ACTN2: variants seen among roughly 807,000 people sequenced by gnomAD.
ACTN2 encodes the protein alpha-actinin-2.
In ACTN2, 39 loss-of-function variants were observed where a neutral mutation model predicts 113.8. That is an observed-to-expected ratio of 0.34 (90% CI 0.27 to 0.45). The LOEUF (loss-of-function observed/expected upper bound fraction) is 0.45, where lower values mean the gene tolerates loss of function less well. Ranked by LOEUF, ACTN2 falls within the 20% of genes least tolerant of loss-of-function variation. ACTN2 has a pLI of 1.00. For missense variants in ACTN2, 992 were observed against 1,177.9 expected (o/e 0.84, Z 2.31); for synonymous variants, 429 against 444.1 (o/e 0.97, Z 0.43).
chr1:236,753,924 T>G (rs762314342), intron 15 of ACTN2, 23 bp from the exon 16 acceptor site: 1 of 1,351,100 alleles, frequency 7.4e-7, no homozygotes, highest in South Asian at 1.1e-5. Flanking sequence ...CCTCTAACCC[T>G]TGTTGTCCTT....
At chr1:236,719,070 G>T (rs1658306008) in intron 3 of ACTN2, 57 bp downstream of exon 3, 6 of 1,609,818 alleles carry the variant, frequency 3.7e-6, no homozygotes, top group Admixed American at 1.7e-5. Context: ...CGTAGGTGTG[G>T]GCTGCGACTT....
In ACTN2 at chr1:236,754,161, G is replaced by A; in HGVS notation, c.1974+80G>A. 1.3e-6 allele frequency: 2 copies of A among 1,582,326 alleles called. No homozygotes were observed. The highest frequency in any genetic ancestry group is 1.1e-5 in the South Asian group (1 of 90,370). On this transcript the variant is annotated intron_variant, in intron 16 of 20. Coordinates refer to ENST00000366578, the MANE Select transcript of ACTN2 (RefSeq NM_001103.4). The surrounding 1 kb of genome is among the most constrained non-coding windows in gnomAD (Gnocchi z 4.9). Reference sequence around the variant, plus strand: ...GCCACGCAGCAGTGACACCGCACATGCTGTGGTTTCCAGCCACCCACTCAG... The same window carrying A: ...GCCACGCAGCAGTGACACCGCACATACTGTGGTTTCCAGCCACCCACTCAG...
chr1:236,721,473 T>C (rs185334054), intron 4 of ACTN2, among the ~76,000 whole-genome samples: 6 of 152,264 alleles, frequency 3.9e-5, no homozygotes, highest in African/African-American at 1.4e-4. Context: ...GACCGACTTA[T>C]GTCATCTAAA....
chr1:236,755,283 T>C (rs919678077), intron 17 of ACTN2, 85 bp downstream of exon 17: 1 of 1,501,358 alleles, frequency 6.7e-7, no homozygotes, highest in African/African-American at 1.4e-5. Context: ...TGCACTTGTC[T>C]TTCTTTGTTC....
At chr1:236,701,926 A>G (rs1229449945) in intron 1 of ACTN2, among the ~76,000 whole-genome samples, 1 of 152,210 alleles carries the variant, frequency 6.6e-6, no homozygotes, top group African/African-American at 2.4e-5. Context: ...GAGGCCTTTA[A>G]GAACTTGGTA....
intron 1 of ACTN2, among the ~76,000 whole-genome samples, chr1:236,689,368 A>G (rs1665998648): frequency 6.7e-6 from 1 of 148,314 alleles, no homozygotes; most frequent in Non-Finnish European, 1.5e-5. Context: ...TTATATATAT[A>G]TATAAAATAT....
At position 236,749,105 on chromosome 1, in the gene ACTN2, G is replaced by A. The variant is rs1051733285; in HGVS notation, c.1516-19G>A. ...TTTTAATTAGTCTATGATAATGCTTGCTTCTCTTTATTCTTTAGAGAATGG... is the reference window on the plus strand; with the variant it reads ...TTTTAATTAGTCTATGATAATGCTTACTTCTCTTTATTCTTTAGAGAATGG... On this transcript the variant is annotated intron_variant, in intron 13 of 20. Coordinates refer to ENST00000366578, the MANE Select transcript of ACTN2 (RefSeq NM_001103.4). 1 of 1,613,654 alleles carries A rather than the reference G, an allele frequency of 6.2e-7. No individual in the cohort carries two copies. The highest frequency in any genetic ancestry group is 1.3e-5 in the African/African-American group (1 of 74,912).
chr1:236,707,343 C>T (rs1470404698), intron 1 of ACTN2, among the ~76,000 whole-genome samples: 2 of 152,206 alleles, frequency 1.3e-5, no homozygotes. Flanking sequence ...CTTTCTGCAG[C>T]AATATTCCAT....
intron 1 of ACTN2, among the ~76,000 whole-genome samples, chr1:236,712,539 G>A (rs1188458529): frequency 6.6e-6 from 1 of 152,226 alleles, no homozygotes; most frequent in East Asian, 1.9e-4. Flanking sequence ...TCTATAAAAA[G>A]GTAATATCAA....
Position 236,731,307 on chromosome 1 carries a change from T to C in ACTN2, c.690T>C (p.Asp230=), listed in dbSNP as rs139489232. ...ACCTGGATATTCCTAAAATGTTGGATGCTGAAGGTGAGATGAAAATTGTGT... is the reference window on the plus strand; with the variant it reads ...ACCTGGATATTCCTAAAATGTTGGACGCTGAAGGTGAGATGAAAATTGTGT... ...EKHLDIPKML[D]AEDIVNTPKP... The change falls in exon 7 of 21, where the codon GAT becomes GAC. Residue 230 remains aspartate (D), a synonymous_variant. Coordinates refer to ENST00000366578, the MANE Select transcript of ACTN2 (RefSeq NM_001103.4). 2 of 1,613,114 alleles carry C rather than the reference T, an allele frequency of 1.2e-6. No individual in the cohort carries two copies. The highest frequency in any genetic ancestry group is 1.1e-5 in the South Asian group (1 of 91,062).
At chr1:236,691,326 G>T (rs1666075428) in intron 1 of ACTN2, among the ~76,000 whole-genome samples, 1 of 151,144 alleles carries the variant, frequency 6.6e-6, no homozygotes, top group African/African-American at 2.4e-5. Flanking sequence ...TATTTAACAA[G>T]AAATTGTTTA....
rs779193065 is a variant in ACTN2, at chr1:236,739,369, C to A, written c.944C>A (p.Ala315Asp). Residue 315 changes from alanine to aspartate, a missense_variant, in exon 10 of 21, where the codon GCC becomes GAC. This residue lies in a region of ACTN2 where 736 missense variants were observed against 815.4 expected (regional missense o/e 0.90). Coordinates refer to ENST00000366578, the MANE Select transcript of ACTN2 (RefSeq NM_001103.4). ...ENRTPEKTMQ[A>D]MQKKLEDFRD... ...CGGACTCCCGAGAAGACCATGCAAG[C>A]CATGCAGAAGAAGCTGGAGGACTTC... 43 of 1,614,060 alleles carry A rather than the reference C, an allele frequency of 2.7e-5. No homozygotes were observed. In the South Asian group the frequency reaches 4.7e-4, roughly 18 times the overall value.
At chr1:236,728,793 C>T (rs1658635699) in intron 6 of ACTN2, among the ~76,000 whole-genome samples, 1 of 152,064 alleles carries the variant, frequency 6.6e-6, no homozygotes, top group African/African-American at 2.4e-5. Context: ...CTTTGGGAAG[C>T]CGAGGCAGGA....
intron 5 of ACTN2, among the ~76,000 whole-genome samples, chr1:236,726,808 T>A (rs1195286220): frequency 6.6e-6 from 1 of 152,152 alleles, no homozygotes; most frequent in Non-Finnish European, 1.5e-5. Flanking sequence ...GAATCCTTCT[T>A]TGTCCCTACA....
chr1:236,754,465 G>C lies in ACTN2; in HGVS notation c.1974+384G>C, dbSNP rs539131636. Reference sequence around the variant, plus strand: ...ACTTTGCATTTTCAGAACATTTCAGGGACAGTGGTCTTTAAGTAACCCTGT... The same window carrying C: ...ACTTTGCATTTTCAGAACATTTCAGCGACAGTGGTCTTTAAGTAACCCTGT... On this transcript the variant is annotated intron_variant, in intron 16 of 20. Coordinates refer to ENST00000366578, the MANE Select transcript of ACTN2 (RefSeq NM_001103.4). The surrounding 1 kb of genome is among the most constrained non-coding windows in gnomAD (Gnocchi z 4.9). 1.0e-3 allele frequency among the ~76,000 whole-genome samples: 159 copies of C among 152,268 alleles called. 1 individual carries two copies. Among genetic ancestry groups the C allele is most frequent in the Admixed American group, 1.3e-3 (20 of 15,302 alleles).
At position 236,721,015 on chromosome 1, in the gene ACTN2, G is replaced by GGTTTTTGTTTTTT; in HGVS notation, c.448+824_448+825insGTTTTTGTTTTTT. Among the ~76,000 whole-genome samples, 76 of 49,172 alleles carry GGTTTTTGTTTTTT rather than the reference G, an allele frequency of 1.5e-3. 1 individual carries two copies. Among genetic ancestry groups the GGTTTTTGTTTTTT allele is most frequent in the African/African-American group, 5.1e-3 (51 of 9,966 alleles). 32.3% of individuals were successfully genotyped at this position (49,172 alleles called of 152,430 possible). On this transcript the variant is annotated intron_variant, in intron 4 of 20. Transcript: ENST00000366578. ...ACAGTAGCCTCTGACTCTGGTTTTT[G>GGTTTTTGTTTTTT]TTTTTTGTTTTTTTTTTTTTTTTTT... is the stretch of plus-strand genomic sequence containing the variant.
At chr1:236,743,828 C>T (rs1393511856) in intron 11 of ACTN2, among the ~76,000 whole-genome samples, 4 of 152,228 alleles carry the variant, frequency 2.6e-5, no homozygotes, top group African/African-American at 9.6e-5. Context: ...AATTCTTAAT[C>T]TAGCAGGGCT....
At position 236,744,764 on chromosome 1, in the gene ACTN2, C is replaced by T. The variant is rs761640231; in HGVS notation, c.1394C>T (p.Ala465Val). 1.2e-6 allele frequency: 2 copies of T among 1,613,958 alleles called. No homozygotes were observed. Among genetic ancestry groups the T allele is most frequent in the African/African-American group, 1.3e-5 (1 of 74,936 alleles). The change falls in exon 12 of 21, where the codon GCG becomes GTG. Residue 465 changes from alanine (A) to valine (V), a missense_variant. Ala to Val is a moderately conservative substitution (Grantham distance 64, BLOSUM62 0). Transcript: ENST00000366578. ...QDRVEQIAAIAQELNELDYHD... is the reference protein window; with the variant it reads ...QDRVEQIAAIVQELNELDYHD... Reference sequence around the variant, plus strand: ...CGCGTGGAGCAGATCGCAGCCATCGCGCAGGAGCTCAAGTATGTGCAGATG... The same window carrying T: ...CGCGTGGAGCAGATCGCAGCCATCGTGCAGGAGCTCAAGTATGTGCAGATG...
chr1:236,747,021 C>T (rs1337193597), intron 12 of ACTN2, among the ~76,000 whole-genome samples: 1 of 152,182 alleles, frequency 6.6e-6, no homozygotes, highest in East Asian at 1.9e-4. Context: ...ACTCTTCCCT[C>T]CCCAGTCACT....
Sources: gnomAD v4.1 joint callset for allele counts (sites outside exome capture counted in the v4.1 genomes callset) on GRCh38, gnomAD v4.1.1 for gene constraint, gnomAD v4.1.1 regional missense constraint, Gnocchi (gnomAD v3.1) non-coding constraint, MANE v1.5 for transcripts, NCBI Gene and HGNC (gene_info 2026-07-23, HGNC 2026-07-21) for gene names.